WBP1L: variants seen among roughly 807,000 people sequenced by gnomAD.
WBP1L encodes WW domain binding protein 1 like.
A neutral mutation model predicts 33.7 loss-of-function variants in WBP1L; 17 were observed. The ratio of observed to expected loss-of-function variants is 0.50; its 90% CI spans 0.34 to 0.76. The LOEUF (loss-of-function observed/expected upper bound fraction) is 0.76. Ranked by LOEUF, WBP1L falls within the 30% of genes least tolerant of loss-of-function variation. The pLI is 0.01. For synonymous variants in WBP1L, 173 were observed against 190.8 expected (o/e 0.91, Z 0.77); for missense variants, 389 against 469.4 (o/e 0.83, Z 1.58).
intron 1 of WBP1L, among the ~76,000 whole-genome samples, chr10:102,788,503 A>T (rs970113091): frequency 1.1e-4 from 16 of 152,156 alleles, no homozygotes; most frequent in African/African-American, 3.1e-4. Context: ...GTTTCTAAGG[A>T]CCTGGGCTTG....
At chr10:102,765,688 A>C (rs1280326364) in intron 1 of WBP1L, among the ~76,000 whole-genome samples, 4 of 152,222 alleles carry the variant, frequency 2.6e-5, no homozygotes, top group African/African-American at 9.6e-5. Flanking sequence ...TTAGAGGAGA[A>C]GGTAGGGCTG....
At chr10:102,791,905 T>C (rs1027515859) in intron 1 of WBP1L, among the ~76,000 whole-genome samples, 2 of 152,228 alleles carry the variant, frequency 1.3e-5, no homozygotes, top group Admixed American at 6.5e-5. Context: ...GCCCAGTGTG[T>C]CTTTTTATGC....
At chr10:102,794,172 G>A (rs112245220) in intron 1 of WBP1L, among the ~76,000 whole-genome samples, 1,687 of 152,214 alleles carry the variant, frequency 0.011, 26 homozygotes, top group African/African-American at 0.039. Context: ...ATAAGGAGGG[G>A]TGGAAGATCA....
chr10:102,808,884 G>A (rs972355673), intron 2 of WBP1L, among the ~76,000 whole-genome samples: 3 of 151,022 alleles, frequency 2.0e-5, no homozygotes, highest in African/African-American at 7.3e-5. Flanking sequence ...CACTAAGAAA[G>A]TGAAGCATTT....
intron 1 of WBP1L, among the ~76,000 whole-genome samples, chr10:102,786,377 T>A (rs1274628664): frequency 1.3e-5 from 2 of 152,218 alleles, no homozygotes. Context: ...AACTGTTTAT[T>A]GTATGTTCTT....
chr10:102,810,331 G>A (rs1291426801), intron 3 of WBP1L, among the ~76,000 whole-genome samples: 1 of 151,858 alleles, frequency 6.6e-6, no homozygotes, highest in Non-Finnish European at 1.5e-5. Flanking sequence ...TAGCACCTGC[G>A]TACATACCTA....
chr10:102,809,321 G>C (rs1843790916), intron 2 of WBP1L, among the ~76,000 whole-genome samples: 2 of 148,080 alleles, frequency 1.4e-5, no homozygotes, highest in South Asian at 4.3e-4. Flanking sequence ...CAGGTGATCT[G>C]CACGCCTCGG....
chr10:102,788,271 G>A (rs909742837), intron 1 of WBP1L, among the ~76,000 whole-genome samples: 2 of 150,850 alleles, frequency 1.3e-5, no homozygotes, highest in South Asian at 2.1e-4. Flanking sequence ...TACCACGCCC[G>A]GCTAATTTTT....
intron 1 of WBP1L, among the ~76,000 whole-genome samples, chr10:102,761,296 T>A (rs1385592304): frequency 6.6e-6 from 1 of 151,552 alleles, no homozygotes; most frequent in African/African-American, 2.4e-5. Context: ...CCTACCACCA[T>A]GCCTGGCTAA....
chr10:102,802,340 G>C (rs7086400), intron 2 of WBP1L, among the ~76,000 whole-genome samples: 1 of 149,620 alleles, frequency 6.7e-6, no homozygotes. Context: ...ATAAGGTTTC[G>C]CCATGTTGCC....
rs1843923013 is a variant in WBP1L at position 102,815,404 on chromosome 10, G to T, written c.*2073G>T. 1 of 152,686 alleles carries T rather than the reference G, an allele frequency of 6.5e-6. No homozygotes were observed. The highest frequency in any genetic ancestry group is 6.5e-5 in the Admixed American group (1 of 15,284). 9.5% of individuals were successfully genotyped at this position (152,686 alleles called of 1,614,324 possible). On this transcript the variant is annotated 3_prime_UTR_variant, in exon 4 of 4. Coordinates refer to ENST00000448841, the MANE Select transcript of WBP1L (RefSeq NM_001083913.2). The stretch of plus-strand genomic sequence containing the variant: ...GTCCTCAGTACCAGCGCCCGGGGGT[G>T]TCCACAACCACTTGGGACAGAAGAA...
intron 2 of WBP1L, among the ~76,000 whole-genome samples, chr10:102,805,212 T>G (rs1282434504): frequency 6.6e-6 from 1 of 152,118 alleles, no homozygotes; most frequent in Non-Finnish European, 1.5e-5. Flanking sequence ...GCCCAGGAGT[T>G]GGAGGCTGTA....
Position 102,813,547 on chromosome 10 carries a change from G to A in WBP1L, c.*216G>A, listed in dbSNP as rs752714095. 1.6e-4 allele frequency: 103 copies of A among 632,788 alleles called. No individual in the cohort carries two copies. The highest frequency in any genetic ancestry group is 1.6e-5 in the Non-Finnish European group (6 of 376,778). The allele number at this position is 632,788 out of a possible 1,614,324, so 39.2% of individuals were successfully genotyped here. A position where few individuals can be genotyped will look rare whatever the true frequency, so the allele number is the denominator to read the frequency against. On this transcript the variant is annotated 3_prime_UTR_variant, in exon 4 of 4. Coordinates refer to ENST00000448841, the MANE Select transcript of WBP1L (RefSeq NM_001083913.2). Reference sequence around the variant, plus strand: ...CCACAAGGGCACAGTGTTGTGGAGGGCTAAGTTGGTTCTGTGACTCATTCC... The same window carrying A: ...CCACAAGGGCACAGTGTTGTGGAGGACTAAGTTGGTTCTGTGACTCATTCC...
intron 1 of WBP1L, among the ~76,000 whole-genome samples, chr10:102,795,878 A>T (rs576358380): frequency 4.4e-4 from 67 of 152,150 alleles, no homozygotes; most frequent in Non-Finnish European, 7.3e-4. Context: ...GCAAGCATAG[A>T]TCTGCTTTTT....
chr10:102,757,569 C>CTTTTTTTTTTTTT (rs60213859), intron 1 of WBP1L, among the ~76,000 whole-genome samples: 51 of 88,786 alleles, frequency 5.7e-4, no homozygotes, highest in East Asian at 8.9e-4. Flanking sequence ...GTTTCTGAGC[C>CTTTTTTTTTTTTT]TTTTTTTTTT....
Position 102,813,566 on chromosome 10 carries a change from T to A in WBP1L, c.*235T>A, listed in dbSNP as rs555049071. On this transcript the variant is annotated 3_prime_UTR_variant, in exon 4 of 4. Transcript: ENST00000448841. ...TGGAGGGCTAAGTTGGTTCTGTGAC[T>A]CATTCCTCATACCCTAACTCCATCT... 6.3e-5 allele frequency: 36 copies of A among 575,384 alleles called. No homozygotes were observed. Among genetic ancestry groups the A allele is most frequent in the Middle Eastern group, 4.6e-4 (1 of 2,158 alleles). 35.6% of individuals were successfully genotyped at this position (575,384 alleles called of 1,614,324 possible). A position where few individuals can be genotyped will look rare whatever the true frequency, so the allele number is the denominator to read the frequency against.
At chr10:102,794,302 G>A (rs1238881504) in intron 1 of WBP1L, among the ~76,000 whole-genome samples, 1 of 152,168 alleles carries the variant, frequency 6.6e-6, no homozygotes, top group Non-Finnish European at 1.5e-5. Context: ...GGGATGGGGA[G>A]GATAATAAAA....
Position 102,812,784 on chromosome 10 carries a change from T to C in WBP1L, c.545T>C (p.Leu182Ser). Residue 182 changes from leucine to serine, a missense_variant, in exon 4 of 4, where the codon TTG becomes TCG. By Grantham distance (145) the Leu-to-Ser change is moderately radical. Transcript: ENST00000448841. ...TCCCAGGGGGCACAGAGCAGCCCCT[T>C]GTCTGAGCCCAGCAGAAGCAGCACA... is the stretch of plus-strand genomic sequence containing the variant. ...RGSQGAQSSPLSEPSRSSTRP... is the reference protein window; with the variant it reads ...RGSQGAQSSPSSEPSRSSTRP... 5 of 1,608,876 alleles carry C rather than the reference T, an allele frequency of 3.1e-6. No homozygotes were observed. Among genetic ancestry groups the C allele is most frequent in the Non-Finnish European group, 4.2e-6 (5 of 1,177,880 alleles).
rs1276464158 is a variant in WBP1L at position 102,744,103 on chromosome 10, C to T, written c.50C>T (p.Ala17Val). 12 of 1,550,920 alleles carry T rather than the reference C, an allele frequency of 7.7e-6. No homozygotes were observed. Among genetic ancestry groups the T allele is most frequent in the Non-Finnish European group, 1.7e-6 (2 of 1,147,718 alleles). Reference protein sequence around the residue: ...LGGMALLLLQALPSPLSARAE... With the variant: ...LGGMALLLLQVLPSPLSARAE... Reference sequence around the variant, plus strand: ...GGCATGGCGCTCCTGCTCCTCCAGGCGCTGCCCAGCCCCTTGTCAGCCAGG... The same window carrying T: ...GGCATGGCGCTCCTGCTCCTCCAGGTGCTGCCCAGCCCCTTGTCAGCCAGG... The change falls in exon 1 of 4, where the codon GCG (alanine) becomes GTG (valine). Residue 17 changes from alanine to valine, a missense_variant. Physicochemically the swap from Ala to Val is moderately conservative, Grantham distance 64. Coordinates refer to ENST00000448841, the MANE Select transcript of WBP1L (RefSeq NM_001083913.2).
Sources: allele counts gnomAD v4.1 joint callset (sites outside exome capture counted in the v4.1 genomes callset), GRCh38; gene constraint gnomAD v4.1.1; transcripts MANE v1.5; gene names NCBI Gene and HGNC (gene_info 2026-07-23, HGNC 2026-07-21).